Variants in BRF1 observed in about 807,000 individuals in gnomAD.
BRF1 encodes BRF1 general transcription factor IIIB subunit.
BRF1 carries 59 observed loss-of-function variants against 81.7 expected under a neutral mutation model. The ratio of observed to expected loss-of-function variants is 0.72; its 90% CI spans 0.59 to 0.90. The LOEUF (loss-of-function observed/expected upper bound fraction) is 0.90, where lower values mean the gene tolerates loss of function less well. BRF1 is among the 40% of genes least tolerant of loss of function. The pLI is 0.00. For missense variants in BRF1, 1,050 were observed against 936.3 expected (o/e 1.12, Z -1.58); for synonymous variants, 491 against 395.6 (o/e 1.24, Z -2.86).
chr14:105,312,821 G>C (rs938168118), intron 1 of BRF1, among the ~76,000 whole-genome samples: 3 of 152,216 alleles, frequency 2.0e-5, no homozygotes, highest in Admixed American at 2.0e-4. Context: ...GTGGTCGCAG[G>C]CGTGACACAT....
chr14:105,245,167 C>T (rs750138602), intron 5 of BRF1, among the ~76,000 whole-genome samples: 7 of 151,904 alleles, frequency 4.6e-5, no homozygotes, highest in Non-Finnish European at 1.0e-4. Context: ...GAAACCAGCC[C>T]GGGCAACACA....
rs1460714606 is a variant in BRF1, at chr14:105,248,792, G to C, written c.544+3715C>G. The C allele has an allele frequency of 3.1e-5, 30 of 982,826 alleles. No individual in the cohort carries two copies. Among genetic ancestry groups the C allele is most frequent in the Non-Finnish European group, 3.6e-5 (30 of 829,814 alleles). 60.9% of individuals were successfully genotyped at this position (982,826 alleles called of 1,614,324 possible). A position where few individuals can be genotyped will look rare whatever the true frequency, so the allele number is the denominator to read the frequency against. On this transcript the variant is annotated intron_variant, in intron 5 of 17. Coordinates refer to ENST00000547530, the MANE Select transcript of BRF1 (RefSeq NM_001519.4). ...TGCTTTTGCTTGCAGAGCCGCTCCC[G>C]AGGCCCCGGCGCGGCGCGAGGGCGC...
intron 14 of BRF1, among the ~76,000 whole-genome samples, 180 bp from the exon 15 acceptor site, chr14:105,217,980 C>T (rs587668982): frequency 3.3e-5 from 5 of 152,330 alleles, no homozygotes; most frequent in Admixed American, 1.3e-4. Flanking sequence ...GGCCTGCCCA[C>T]GTCAAATCCT....
intron 2 of BRF1, among the ~76,000 whole-genome samples, chr14:105,274,307 G>A (rs1288158423): frequency 6.6e-6 from 1 of 152,156 alleles, no homozygotes; most frequent in East Asian, 1.9e-4. Flanking sequence ...TAAAAACTGA[G>A]GGAACTCAGA....
In BRF1 at chr14:105,268,444, G is replaced by A. The variant is rs587669308; in HGVS notation, c.439+4277C>T. On this transcript the variant is annotated intron_variant, in intron 3 of 17. Transcript: ENST00000547530. ...CACCCCGTTCCTCCTCCAGGAATCC[G>A]GGACTGGCTGTGTCAGCCACCAGGC... is the stretch of plus-strand genomic sequence containing the variant. 3.2e-3 allele frequency among the ~76,000 whole-genome samples: 495 copies of A among 152,340 alleles called. 9 individuals are homozygous for A. Among genetic ancestry groups the A allele is most frequent in the African/African-American group, 0.011 (471 of 41,584 alleles).
chr14:105,300,308 C>A (rs1426473732), intron 1 of BRF1, 138 bp downstream of exon 1: 1 of 987,704 alleles, frequency 1.0e-6, no homozygotes, highest in Non-Finnish European at 1.4e-6. Context: ...GATCCACACT[C>A]GCGCCCAGAC....
Position 105,269,160 on chromosome 14 carries a change from G to C in BRF1, c.439+3561C>G, listed in dbSNP as rs761535812. On this transcript the variant is annotated intron_variant, in intron 3 of 17. Coordinates refer to ENST00000547530, the MANE Select transcript of BRF1 (RefSeq NM_001519.4). The surrounding 1 kb of genome is among the most constrained non-coding windows in gnomAD (Gnocchi z 5.0). ...GCAGGCCTAGGGCACGGTGCTGCCC[G>C]CAACCTGAAGGGAGGGCAGAGCGGG... Among the ~76,000 whole-genome samples the C allele has an allele frequency of 2.0e-5, 3 of 152,112 alleles. No individual in the cohort carries two copies. The highest frequency in any genetic ancestry group is 7.2e-5 in the African/African-American group (3 of 41,408).
Position 105,284,339 on chromosome 14 carries a change from C to T in BRF1, c.265+1957G>A, listed in dbSNP as rs892444808. Among the ~76,000 whole-genome samples the T allele has an allele frequency of 5.3e-5, 8 of 152,112 alleles. No individual in the cohort carries two copies. The highest frequency in any genetic ancestry group is 7.4e-5 in the Non-Finnish European group (5 of 68,026). On this transcript the variant is annotated intron_variant, in intron 2 of 17. Transcript: ENST00000547530. This position sits in a 1 kb window ranked among gnomAD's most constrained non-coding sequence, Gnocchi z 4.0. Reference sequence around the variant, plus strand: ...GACAAGGAAAAAAGCACAAGGGAAGCGTAAGGATCCATCCACTCTGCTGTG... The same window carrying T: ...GACAAGGAAAAAAGCACAAGGGAAGTGTAAGGATCCATCCACTCTGCTGTG...
intron 5 of BRF1, 89 bp from the exon 6 acceptor site, chr14:105,241,503 G>T: frequency 1.3e-6 from 2 of 1,541,764 alleles, no homozygotes; most frequent in Non-Finnish European, 1.8e-6. Context: ...GGGGCAACCT[G>T]CACTTGTCTT....
At chr14:105,273,923 TAAA>T (rs752477507) in intron 2 of BRF1, among the ~76,000 whole-genome samples, 1 of 152,180 alleles carries the variant, frequency 6.6e-6, no homozygotes, top group Admixed American at 6.5e-5. Flanking sequence ...GGTGGATTGG[TAAA>T]AGAGGAAGGC....
intron 5 of BRF1, among the ~76,000 whole-genome samples, chr14:105,244,879 A>C (rs1374536111): frequency 2.0e-5 from 3 of 152,040 alleles, no homozygotes; most frequent in African/African-American, 4.8e-5. Context: ...ACCAGGTATG[A>C]TAGAACAAAG....
At chr14:105,251,423 C>A (rs1432524328) in intron 5 of BRF1, among the ~76,000 whole-genome samples, 1 of 152,242 alleles carries the variant, frequency 6.6e-6, no homozygotes, top group Non-Finnish European at 1.5e-5. Context: ...AGCTGTGACA[C>A]TGCTGCGGGA....
chr14:105,247,173 C>A (rs587720550), intron 5 of BRF1: 1 of 985,506 alleles, frequency 1.0e-6, no homozygotes, highest in African/African-American at 1.7e-5. Context: ...GCTGTGGCCT[C>A]GGTGGGTGTG....
chr14:105,252,584 G>C lies in BRF1; in HGVS notation c.472-5C>G. On this transcript the variant is annotated splice_polypyrimidine_tract_variant and splice_region_variant and intron_variant, in intron 4 of 17. Coordinates refer to ENST00000547530, the MANE Select transcript of BRF1 (RefSeq NM_001519.4). ...TCCAAGCACGTACACATTCACCTGA[G>C]ATGGAGAGATCACAACCAGAAACAG... The C allele has an allele frequency of 6.2e-7, 1 of 1,611,332 alleles. No homozygotes were observed. The highest frequency in any genetic ancestry group is 8.5e-7 in the Non-Finnish European group (1 of 1,179,202).
At chr14:105,294,053 CCT>C (rs1218093689) in intron 1 of BRF1, among the ~76,000 whole-genome samples, 20 of 152,296 alleles carry the variant, frequency 1.3e-4, no homozygotes, top group Admixed American at 1.2e-3. Context: ...TTTCCAGCCC[CCT>C]GTGATCACCA....
Position 105,220,439 on chromosome 14 carries a change from A to G in BRF1, c.1316-309T>C, listed in dbSNP as rs148460013. On this transcript the variant is annotated intron_variant, in intron 11 of 17. Transcript: ENST00000547530. The stretch of plus-strand genomic sequence containing the variant: ...AGGAGACAGAGGCTGTCAGGCCCCA[A>G]AGACCGAGGGAGGGCACGGAAGCTG... Among the ~76,000 whole-genome samples, 1,455 of 152,346 alleles carry G rather than the reference A, an allele frequency of 9.6e-3. 49 individuals are homozygous for G. Among genetic ancestry groups the G allele is most frequent in the Admixed American group, 0.065 (988 of 15,308 alleles).
In BRF1 at chr14:105,209,335, C is replaced by T. The variant is rs1490576762; in HGVS notation, c.*1216G>A. Reference sequence around the variant, plus strand: ...TCCTGCTTTACTAAATCTATTCTTCCCCCAAGCCCTCGAGAAGCCCTGGCA... The same window carrying T: ...TCCTGCTTTACTAAATCTATTCTTCTCCCAAGCCCTCGAGAAGCCCTGGCA... On this transcript the variant is annotated 3_prime_UTR_variant, in exon 18 of 18. Coordinates refer to ENST00000547530, the MANE Select transcript of BRF1 (RefSeq NM_001519.4). The T allele has an allele frequency of 5.3e-6, 3 of 563,586 alleles. No homozygotes were observed. The African/African-American group carries it at 5.7e-5, about 11-fold the overall frequency. 34.9% of individuals were successfully genotyped at this position (563,586 alleles called of 1,614,324 possible). A position where few individuals can be genotyped will look rare whatever the true frequency, so the allele number is the denominator to read the frequency against.
rs1034255561 is a variant in BRF1, at chr14:105,209,845, C to T, written c.*706G>A. 4 of 495,600 alleles carry T rather than the reference C, an allele frequency of 8.1e-6. No individual in the cohort carries two copies. The highest frequency in any genetic ancestry group is 8.0e-5 in the African/African-American group (4 of 49,812). 30.7% of individuals were successfully genotyped at this position (495,600 alleles called of 1,614,324 possible). ...GGCAGCCGCAGGGCTCCTGGGCCCA[C>T]AACTCAAGTGGCCCTGGAGCAGGGG... is the stretch of plus-strand genomic sequence containing the variant. On this transcript the variant is annotated 3_prime_UTR_variant, in exon 18 of 18. Transcript: ENST00000547530.
At chr14:105,249,901 G>A in intron 5 of BRF1, 1 of 1,611,212 alleles carries the variant, frequency 6.2e-7, no homozygotes, top group Non-Finnish European at 8.5e-7. Flanking sequence ...AGATAGACCG[G>A]CAGACGCTGG....
Sources: allele counts gnomAD v4.1 joint callset (sites outside exome capture counted in the v4.1 genomes callset), GRCh38; gene constraint gnomAD v4.1.1; non-coding constraint Gnocchi (gnomAD v3.1); transcripts MANE v1.5; gene names NCBI Gene and HGNC (gene_info 2026-07-23, HGNC 2026-07-21).